USP10: variants seen among roughly 807,000 people sequenced by gnomAD.
USP10 encodes ubiquitin carboxyl-terminal hydrolase 10.
A neutral mutation model predicts 84.5 loss-of-function variants in USP10; 22 were observed. The observed-to-expected ratio is 0.26, with a 90% CI of 0.19 to 0.37. The LOEUF is 0.37. USP10 is among the 10% of genes least tolerant of loss of function. USP10 has a pLI of 1.00. For synonymous variants in USP10, 454 were observed against 387.6 expected (o/e 1.17, Z -2.01); for missense variants, 1,019 against 998.9 (o/e 1.02, Z -0.27).
At chr16:84,720,062 G>T (rs376972081) in intron 1 of USP10, among the ~76,000 whole-genome samples, 1 of 152,184 alleles carries the variant, frequency 6.6e-6, no homozygotes, top group Non-Finnish European at 1.5e-5. Context: ...TCTTAACACC[G>T]GAAGGAGAGG....
At chr16:84,774,621 C>CCAT (rs1567655025) in intron 12 of USP10, among the ~76,000 whole-genome samples, 3 of 151,980 alleles carry the variant, frequency 2.0e-5, no homozygotes, top group Non-Finnish European at 4.4e-5. Context: ...CAGCCGCGTG[C>CCAT]CACCACGCCC....
At chr16:84,701,454 T>C (rs1027963642) in intron 1 of USP10, among the ~76,000 whole-genome samples, 10 of 152,228 alleles carry the variant, frequency 6.6e-5, no homozygotes, top group South Asian at 2.1e-4. Flanking sequence ...TTGGTGTATT[T>C]AGCTTTGTTT....
At chr16:84,757,851 G>A (rs1228702160) in intron 4 of USP10, among the ~76,000 whole-genome samples, 2 of 152,096 alleles carry the variant, frequency 1.3e-5, no homozygotes, top group East Asian at 1.9e-4. Context: ...GGGTCAAAGT[G>A]GTGGTACTCC....
intron 13 of USP10, 37 bp from the exon 14 acceptor site, chr16:84,778,858 C>T (rs1410093374): frequency 1.3e-6 from 2 of 1,591,878 alleles, no homozygotes; most frequent in East Asian, 2.3e-5. Context: ...GTGTGCAGTG[C>T]TGTTCTCACT....
At chr16:84,726,840 C>T (rs1194848995) in intron 1 of USP10, among the ~76,000 whole-genome samples, 4 of 152,190 alleles carry the variant, frequency 2.6e-5, no homozygotes, top group South Asian at 2.1e-4. Flanking sequence ...ATTTCTGTGC[C>T]GTCCCGCCCC....
chr16:84,753,387 C>A (rs1912159331), intron 4 of USP10, among the ~76,000 whole-genome samples: 1 of 152,284 alleles, frequency 6.6e-6, no homozygotes, highest in East Asian at 1.9e-4. Flanking sequence ...CACATAAATT[C>A]ATTTGCTTTT....
At chr16:84,703,891 C>T (rs897363208) in intron 1 of USP10, among the ~76,000 whole-genome samples, 3 of 152,186 alleles carry the variant, frequency 2.0e-5, no homozygotes, top group Non-Finnish European at 2.9e-5. Context: ...GAATACTAAG[C>T]GGGCCTACCA....
intron 1 of USP10, among the ~76,000 whole-genome samples, chr16:84,708,121 TTAG>T (rs748108198): frequency 6.6e-6 from 1 of 151,804 alleles, no homozygotes; most frequent in African/African-American, 2.4e-5. Context: ...TTCCACCCCC[TTAG>T]TAGTAGTCAT....
chr16:84,753,417 A>G (rs1399073314), intron 4 of USP10, among the ~76,000 whole-genome samples: 3 of 151,966 alleles, frequency 2.0e-5, no homozygotes, highest in South Asian at 2.1e-4. Context: ...TTCCACCTCT[A>G]TTAGCTCTTT....
chr16:84,773,658 A>G (rs1914682157), intron 12 of USP10, among the ~76,000 whole-genome samples: 2 of 152,256 alleles, frequency 1.3e-5, no homozygotes, highest in African/African-American at 2.4e-5. Context: ...TAGCTGCCTT[A>G]TCACTCATCA....
chr16:84,712,648 G>A (rs1906467408), intron 1 of USP10, among the ~76,000 whole-genome samples: 1 of 152,190 alleles, frequency 6.6e-6, no homozygotes, highest in African/African-American at 2.4e-5. Flanking sequence ...AAATAGTAAT[G>A]AGAGCTGATG....
intron 4 of USP10, among the ~76,000 whole-genome samples, 185 bp from the exon 5 acceptor site, chr16:84,758,531 A>G (rs1247615632): frequency 6.6e-6 from 1 of 152,224 alleles, no homozygotes; most frequent in Non-Finnish European, 1.5e-5. Flanking sequence ...AGTTTCAAAA[A>G]TGTTCTAATT....
At chr16:84,725,294 T>C (rs1908311387) in intron 1 of USP10, among the ~76,000 whole-genome samples, 1 of 152,236 alleles carries the variant, frequency 6.6e-6, no homozygotes, top group Non-Finnish European at 1.5e-5. Context: ...GAAGAAACAA[T>C]TTATGGCTCT....
chr16:84,729,853 G>C (rs966513332), intron 1 of USP10, among the ~76,000 whole-genome samples: 3 of 152,176 alleles, frequency 2.0e-5, no homozygotes, highest in Non-Finnish European at 2.9e-5. Flanking sequence ...TTAAATGATA[G>C]TTCAGTGTTG....
intron 1 of USP10, among the ~76,000 whole-genome samples, chr16:84,729,924 G>A (rs995557168): frequency 6.6e-6 from 1 of 152,218 alleles, no homozygotes; most frequent in African/African-American, 2.4e-5. Flanking sequence ...TTTTCATCAA[G>A]TCCTAAGCTG....
intron 8 of USP10, among the ~76,000 whole-genome samples, chr16:84,761,888 C>G (rs966727698): frequency 7.2e-5 from 11 of 152,268 alleles, no homozygotes; most frequent in Non-Finnish European, 1.2e-4. Context: ...CTTCAGCACA[C>G]TTTGGCTGTG....
chr16:84,727,371 C>T (rs75785736), intron 1 of USP10, among the ~76,000 whole-genome samples: 1,952 of 152,136 alleles, frequency 0.013, 35 homozygotes, highest in African/African-American at 0.044. Context: ...GTTAATCTTC[C>T]AGAGGAGAGA....
At chr16:84,754,289 T>C (rs1912267021) in intron 4 of USP10, among the ~76,000 whole-genome samples, 1 of 152,228 alleles carries the variant, frequency 6.6e-6, no homozygotes, top group Admixed American at 6.5e-5. Flanking sequence ...GACTTGCCAC[T>C]AGATAAAATT....
At chr16:84,702,120 G>A (rs1904960862) in intron 1 of USP10, among the ~76,000 whole-genome samples, 1 of 124,284 alleles carries the variant, frequency 8.0e-6, no homozygotes, top group African/African-American at 3.1e-5. Flanking sequence ...GCAGTGGCAT[G>A]ATCTCGGCCC....
Sources: gnomAD v4.1 joint callset for allele counts (sites outside exome capture counted in the v4.1 genomes callset) on GRCh38, gnomAD v4.1.1 for gene constraint, MANE v1.5 for transcripts, NCBI Gene and HGNC (gene_info 2026-07-23, HGNC 2026-07-21) for gene names.